Variants in LRRC4C observed in about 807,000 individuals in gnomAD.
LRRC4C encodes the protein leucine-rich repeat-containing protein 4C.
A neutral mutation model predicts 33.6 loss-of-function variants in LRRC4C; 5 were observed. That is an observed-to-expected ratio of 0.15 (90% CI 0.08 to 0.31). The LOEUF is 0.31. LRRC4C is among the 10% of genes least tolerant of loss of function. The pLI is 1.00. For synonymous variants in LRRC4C, 329 were observed against 302.0 expected (o/e 1.09, Z -0.93); for missense variants, 560 against 796.7 (o/e 0.70, Z 3.58).
chr11:41,071,073 A>G lies in LRRC4C; in HGVS notation c.-495-137350T>C, dbSNP rs556780421. Among the ~76,000 whole-genome samples, 19 of 152,324 alleles carry G rather than the reference A, an allele frequency of 1.2e-4. No individual in the cohort carries two copies. The South Asian group carries it at 3.7e-3, about 30-fold the overall frequency. On this transcript the variant is annotated intron_variant, in intron 1 of 6. Coordinates refer to ENST00000528697, the MANE Select transcript of LRRC4C (RefSeq NM_001258419.2). ...ACACCATGGAATACTACACATCCAT[A>G]AAAAGGAATGAGATCATGTCCTTTG...
chr11:40,713,777 G>T (rs1946579430), intron 2 of LRRC4C, among the ~76,000 whole-genome samples: 1 of 152,066 alleles, frequency 6.6e-6, no homozygotes, highest in East Asian at 1.9e-4. Context: ...TGTTTATCAT[G>T]AAATATAGAA....
chr11:40,953,413 C>T (rs191852015), intron 1 of LRRC4C, among the ~76,000 whole-genome samples: 1 of 151,922 alleles, frequency 6.6e-6, no homozygotes, highest in African/African-American at 2.4e-5. Context: ...AGAAAAGTCT[C>T]CCTGACCCTT....
intron 3 of LRRC4C, among the ~76,000 whole-genome samples, chr11:40,606,303 C>T (rs1320076653): frequency 6.6e-6 from 1 of 152,068 alleles, no homozygotes; most frequent in East Asian, 1.9e-4. Context: ...ATTACCAGCT[C>T]CTGAATGAAG....
intron 1 of LRRC4C, among the ~76,000 whole-genome samples, chr11:41,042,136 T>A (rs960086378): frequency 5.9e-5 from 9 of 152,316 alleles, no homozygotes; most frequent in African/African-American, 2.2e-4. Context: ...ATCTCCTCTT[T>A]GATATAGGAC....
chr11:40,590,792 GGGTCAGGGGTCAGGGA>G (rs1959011043), intron 3 of LRRC4C, among the ~76,000 whole-genome samples: 1 of 152,216 alleles, frequency 6.6e-6, no homozygotes, highest in African/African-American at 2.4e-5. Flanking sequence ...GGCTGCTCGG[GGGTCAGGGGTCAGGGA>G]CCCACTTGAG....
At chr11:41,060,088 T>C (rs1197208842) in intron 1 of LRRC4C, among the ~76,000 whole-genome samples, 1 of 152,188 alleles carries the variant, frequency 6.6e-6, no homozygotes, top group Non-Finnish European at 1.5e-5. Flanking sequence ...AGATCCTCAG[T>C]TGGCTTATAT....
At chr11:41,345,469 T>C (rs768687523) in intron 1 of LRRC4C, among the ~76,000 whole-genome samples, 3 of 152,256 alleles carry the variant, frequency 2.0e-5, no homozygotes, top group Non-Finnish European at 4.4e-5. Context: ...ATGGTGATCA[T>C]AGTTTGTAGG....
chr11:40,943,209 G>A lies in LRRC4C; in HGVS notation c.-495-9486C>T, dbSNP rs1449774942. ...ACTAAATAACTAAAGGCTAGGTACT[G>A]TTAGGTGATTTACACACTTACAACG... On this transcript the variant is annotated intron_variant, in intron 1 of 6. Transcript: ENST00000528697. Among the ~76,000 whole-genome samples the A allele has an allele frequency of 2.0e-5, 3 of 152,184 alleles. No homozygotes were observed. In the East Asian group the frequency reaches 5.8e-4, roughly 29 times the overall value.
intron 2 of LRRC4C, among the ~76,000 whole-genome samples, chr11:40,851,466 C>A (rs1361637121): frequency 1.3e-5 from 2 of 152,108 alleles, no homozygotes; most frequent in Non-Finnish European, 2.9e-5. Context: ...TGGGCTGCAC[C>A]CACTGTCTAA....
chr11:41,322,816 G>A (rs371415113), intron 1 of LRRC4C, among the ~76,000 whole-genome samples: 2 of 152,140 alleles, frequency 1.3e-5, no homozygotes, highest in Non-Finnish European at 2.9e-5. Context: ...GTGAACACCT[G>A]CTTCCATGAT....
chr11:40,667,931 C>T (rs1480256698), intron 2 of LRRC4C, among the ~76,000 whole-genome samples: 3 of 152,144 alleles, frequency 2.0e-5, no homozygotes, highest in Non-Finnish European at 2.9e-5. Context: ...CCTTAGGTAA[C>T]ATGTTCTGCA....
intron 4 of LRRC4C, among the ~76,000 whole-genome samples, chr11:40,285,466 T>C (rs1378044406): frequency 6.6e-6 from 1 of 152,182 alleles, no homozygotes; most frequent in African/African-American, 2.4e-5. Context: ...TTACAGCACA[T>C]CGTATCTAAA....
chr11:40,376,091 GTAATATAAGAAGAAATA>G (rs1333723506), intron 3 of LRRC4C, among the ~76,000 whole-genome samples: 1 of 152,090 alleles, frequency 6.6e-6, no homozygotes, highest in African/African-American at 2.4e-5. Flanking sequence ...GGAATTATTA[GTAATATAAGAAGAAATA>G]TAATATGAGT....
intron 3 of LRRC4C, among the ~76,000 whole-genome samples, chr11:40,521,552 T>C (rs988628204): frequency 1.3e-5 from 2 of 152,136 alleles, no homozygotes; most frequent in Non-Finnish European, 2.9e-5. Context: ...TGACATATGG[T>C]CATTAGCCTC....
chr11:40,510,507 C>A (rs1057135370), intron 3 of LRRC4C, among the ~76,000 whole-genome samples: 1 of 152,074 alleles, frequency 6.6e-6, no homozygotes, highest in Non-Finnish European at 1.5e-5. Flanking sequence ...CCTGTAAATT[C>A]ATTATATAAT....
intron 1 of LRRC4C, among the ~76,000 whole-genome samples, chr11:41,417,579 C>T (rs1954730653): frequency 6.6e-6 from 1 of 151,934 alleles, no homozygotes; most frequent in Admixed American, 6.6e-5. Context: ...TGCAAATCTG[C>T]AGATCAGCAA....
At chr11:40,953,759 C>A (rs978240420) in intron 1 of LRRC4C, among the ~76,000 whole-genome samples, 1 of 151,824 alleles carries the variant, frequency 6.6e-6, no homozygotes, top group Non-Finnish European at 1.5e-5. Flanking sequence ...AGCCTTTAAG[C>A]CTTCTTGGCA....
At position 40,717,163 on chromosome 11, in the gene LRRC4C, G is replaced by A. The variant is rs145969315; in HGVS notation, c.-406-68885C>T. On this transcript the variant is annotated intron_variant, in intron 2 of 6. Coordinates refer to ENST00000528697, the MANE Select transcript of LRRC4C (RefSeq NM_001258419.2). ...TTCTCAGGCATGGGATATTTGGTGA[G>A]GGCAAATTCCGTTTATTTGTCTTTC... Among the ~76,000 whole-genome samples, 111 of 152,186 alleles carry A rather than the reference G, an allele frequency of 7.3e-4. 1 individual carries two copies. The highest frequency in any genetic ancestry group is 2.6e-3 in the African/African-American group (108 of 41,514).
intron 3 of LRRC4C, among the ~76,000 whole-genome samples, chr11:40,485,483 G>C (rs552238566): frequency 7.2e-5 from 11 of 151,926 alleles, no homozygotes; most frequent in African/African-American, 2.7e-4. Flanking sequence ...ATTAATAGTA[G>C]AGAAATGCCA....
Sources: gnomAD v4.1 joint callset for allele counts (sites outside exome capture counted in the v4.1 genomes callset) on GRCh38, gnomAD v4.1.1 for gene constraint, MANE v1.5 for transcripts, NCBI Gene and HGNC (gene_info 2026-07-23, HGNC 2026-07-21) for gene names.